The following CGGBP1 variants were observed in gnomAD, a reference collection of about 807,000 sequenced individuals.
CGGBP1 encodes the protein CGG triplet repeat binding protein 1.
A neutral mutation model predicts 11.4 loss-of-function variants in CGGBP1; 4 were observed. That is an observed-to-expected ratio of 0.35 (90% CI 0.17 to 0.80). The LOEUF (loss-of-function observed/expected upper bound fraction) is 0.80. Ranked by LOEUF, CGGBP1 falls within the 30% of genes least tolerant of loss-of-function variation. The pLI is 0.52. For missense variants in CGGBP1, 135 were observed against 202.1 expected (o/e 0.67, Z 2.01); for synonymous variants, 76 against 74.1 (o/e 1.03, Z -0.13).
At chr3:88,129,882 T>C (rs540195111) in intron 2 of CGGBP1, 4 of 1,319,304 alleles carry the variant, frequency 3.0e-6, no homozygotes, top group African/African-American at 1.5e-5. Context: ...AGAAAGGAAA[T>C]TGCAGTTTGA....
chr3:88,059,214 GA>G (rs1288355706), upstream of CGGBP1: 106 of 1,480,616 alleles, frequency 7.2e-5, no homozygotes, highest in Non-Finnish European at 5.9e-5. Context: ...TCCGGCTAGG[GA>G]GGAGGGAAGG....
chr3:88,106,034 A>G (rs1233006740), intron 2 of CGGBP1, among the ~76,000 whole-genome samples: 1 of 152,188 alleles, frequency 6.6e-6, no homozygotes, highest in Non-Finnish European at 1.5e-5. Flanking sequence ...TCACCGTGCC[A>G]TCTTCTCAGA....
At chr3:88,113,039 C>A in intron 2 of CGGBP1, 3 of 974,608 alleles carry the variant, frequency 3.1e-6, no homozygotes, top group Non-Finnish European at 4.5e-6. Context: ...TATTAGATAG[C>A]TGATACTGTT....
intron 2 of CGGBP1, chr3:88,096,106 T>G (rs1704043442): frequency 6.2e-6 from 1 of 161,536 alleles, no homozygotes; most frequent in African/African-American, 2.4e-5. Flanking sequence ...ATTTTCTTTT[T>G]GATTAAGATC....
chr3:88,061,304 AAC>A (rs1350075139), upstream of CGGBP1, among the ~76,000 whole-genome samples: 2 of 152,202 alleles, frequency 1.3e-5, no homozygotes, highest in Non-Finnish European at 1.5e-5. Flanking sequence ...TAGCCTGCAA[AAC>A]ACAGTGTCTT....
At chr3:88,091,969 T>C (rs1708655380) in intron 2 of CGGBP1, among the ~76,000 whole-genome samples, 1 of 152,196 alleles carries the variant, frequency 6.6e-6, no homozygotes, top group Admixed American at 6.5e-5. Context: ...CTACTGCCCA[T>C]GTAAAAAATA....
intron 2 of CGGBP1, among the ~76,000 whole-genome samples, chr3:88,111,355 A>G (rs1230384809): frequency 6.6e-6 from 1 of 151,908 alleles, no homozygotes; most frequent in East Asian, 1.9e-4. Context: ...ATCCTGCTAG[A>G]TAGTCTGACA....
At chr3:88,133,912 A>G (rs1455193021) in intron 2 of CGGBP1, among the ~76,000 whole-genome samples, 2 of 152,166 alleles carry the variant, frequency 1.3e-5, no homozygotes, top group Non-Finnish European at 2.9e-5. Context: ...GAATAGAGGA[A>G]TGTTTAGTGT....
intron 2 of CGGBP1, among the ~76,000 whole-genome samples, chr3:88,077,003 T>G (rs1267816129): frequency 6.6e-6 from 1 of 152,148 alleles, no homozygotes; most frequent in Non-Finnish European, 1.5e-5. Flanking sequence ...TATTGTTGAT[T>G]TTACTTCCCT....
intron 2 of CGGBP1, among the ~76,000 whole-genome samples, chr3:88,085,905 TC>T (rs1204513608): frequency 2.0e-5 from 3 of 152,324 alleles, no homozygotes; most frequent in African/African-American, 7.2e-5. Flanking sequence ...TTTCTAATTT[TC>T]TTTATTACTA....
chr3:88,055,945 G>A lies in CGGBP1; in HGVS notation c.32C>T (p.Ala11Val). Residue 11 changes from alanine (A) to valine (V), a missense_variant, in exon 4 of 4, where the codon GCT becomes GTT. By Grantham distance (64) the Ala-to-Val change is moderately conservative. Transcript: ENST00000482016. This position sits in a 1 kb window ranked among gnomAD's most constrained non-coding sequence, Gnocchi z 4.2. MERFVVTAPPARNRSKTALYV... is the reference protein window; with the variant it reads MERFVVTAPPVRNRSKTALYV... ...CAAAGCAGTCTTAGAACGGTTTCGAGCAGGTGGTGCTGTTACTACAAATCG... is the reference window on the plus strand; with the variant it reads ...CAAAGCAGTCTTAGAACGGTTTCGAACAGGTGGTGCTGTTACTACAAATCG... 1.9e-6 allele frequency: 3 copies of A among 1,613,640 alleles called. No individual in the cohort carries two copies. The highest frequency in any genetic ancestry group is 2.5e-6 in the Non-Finnish European group (3 of 1,179,686).
intron 1 of CGGBP1, among the ~76,000 whole-genome samples, chr3:88,149,266 A>T (rs1425006278): frequency 6.6e-6 from 1 of 152,130 alleles, no homozygotes; most frequent in Non-Finnish European, 1.5e-5. Context: ...TTCCATTGGA[A>T]ACTGAAGGGG....
At chr3:88,076,377 TC>T (rs937723121) in intron 2 of CGGBP1, among the ~76,000 whole-genome samples, 2 of 152,184 alleles carry the variant, frequency 1.3e-5, no homozygotes, top group Admixed American at 6.5e-5. Flanking sequence ...TAATTTTTTT[TC>T]CCCATTTTCA....
chr3:88,145,640 T>TA (rs1246968240), intron 1 of CGGBP1, among the ~76,000 whole-genome samples: 1 of 152,180 alleles, frequency 6.6e-6, no homozygotes, highest in Non-Finnish European at 1.5e-5. Context: ...TCTGTACTGA[T>TA]ACCAAGAATC....
At chr3:88,130,357 G>T (rs1706373602) in intron 2 of CGGBP1, among the ~76,000 whole-genome samples, 1 of 152,062 alleles carries the variant, frequency 6.6e-6, no homozygotes, top group African/African-American at 2.4e-5. Context: ...ATGATCATGG[G>T]CTATAAACAT....
chr3:88,081,293 G>T (rs1475506787), intron 2 of CGGBP1, among the ~76,000 whole-genome samples: 1 of 152,122 alleles, frequency 6.6e-6, no homozygotes, highest in African/African-American at 2.4e-5. Context: ...TTAAGTTTAT[G>T]TGGGGGTTTT....
chr3:88,139,723 C>G (rs779489648), intron 2 of CGGBP1: 4 of 1,561,848 alleles, frequency 2.6e-6, no homozygotes, highest in East Asian at 4.8e-5. Context: ...CCTAATAATT[C>G]TTTAAATAAT....
In CGGBP1 at chr3:88,075,232, A is replaced by T. The variant is rs1329901576; in HGVS notation, c.-228-17009T>A. Among the ~76,000 whole-genome samples, 3 of 152,200 alleles carry T rather than the reference A, an allele frequency of 2.0e-5. No individual in the cohort carries two copies. The East Asian group carries it at 5.8e-4, about 29-fold the overall frequency. On this transcript the variant is annotated intron_variant, in intron 2 of 3. Transcript: ENST00000462901. ...GGCACCACTTCTACTAGCTGTTATA[A>T]AGAGCATATCACTTACTTGTAGTTT...
intron 2 of CGGBP1, chr3:88,135,563 A>G (rs1706727064): frequency 6.4e-6 from 1 of 156,188 alleles, no homozygotes; most frequent in Admixed American, 6.5e-5. Flanking sequence ...AGAGAAACTT[A>G]GTTCCAGTTT....
Sources: allele counts gnomAD v4.1 joint callset (sites outside exome capture counted in the v4.1 genomes callset), GRCh38; gene constraint gnomAD v4.1.1; non-coding constraint Gnocchi (gnomAD v3.1); transcripts MANE v1.5; gene names NCBI Gene and HGNC (gene_info 2026-07-23, HGNC 2026-07-21).